HEMK2: variants seen among roughly 807,000 people sequenced by gnomAD.
HEMK2 encodes methyltransferase HEMK2.
chr21:28,696,986 G>A, the HEMK2 span, among the ~76,000 whole-genome samples: 1 of 148,720 alleles, frequency 6.7e-6, no homozygotes, highest in East Asian at 2.1e-4. Flanking sequence ...CAGCAGGGGA[G>A]CCCTGGACCT....
the HEMK2 span, among the ~76,000 whole-genome samples, chr21:28,688,206 G>C: frequency 1.3e-5 from 2 of 152,160 alleles, no homozygotes; most frequent in South Asian, 4.1e-4. Context: ...TAAAGAATGA[G>C]AGTACATTGC....
At chr21:28,713,117 A>G in the HEMK2 span, among the ~76,000 whole-genome samples, 1 of 152,154 alleles carries the variant, frequency 6.6e-6, no homozygotes, top group Non-Finnish European at 1.5e-5. Flanking sequence ...CTGAGTTTCC[A>G]ATTTGGGAGA....
the HEMK2 span, among the ~76,000 whole-genome samples, chr21:28,868,093 T>C: frequency 6.6e-6 from 1 of 152,200 alleles, no homozygotes; most frequent in Non-Finnish European, 1.5e-5. Flanking sequence ...CATGTTTCTT[T>C]ATGGACTTTC....
the HEMK2 span, among the ~76,000 whole-genome samples, chr21:28,880,357 T>A: frequency 6.6e-6 from 1 of 152,244 alleles, no homozygotes; most frequent in African/African-American, 2.4e-5. Context: ...ATTTACTGGA[T>A]ACTGTTCTAT....
the HEMK2 span, chr21:28,879,844 T>C: frequency 1.4e-6 from 2 of 1,466,444 alleles, no homozygotes; most frequent in East Asian, 2.3e-5. Flanking sequence ...AAAATATTAA[T>C]AATTAAATTT....
chr21:28,575,855 T>C, the HEMK2 span, among the ~76,000 whole-genome samples: 1 of 152,226 alleles, frequency 6.6e-6, no homozygotes, highest in African/African-American at 2.4e-5. Context: ...TAGTATGTTC[T>C]CCGTGTTTAT....
the HEMK2 span, among the ~76,000 whole-genome samples, chr21:28,750,437 A>G: frequency 6.6e-6 from 1 of 152,102 alleles, no homozygotes; most frequent in African/African-American, 2.4e-5. Flanking sequence ...GGTGACTCAT[A>G]CCTGTAATCC....
the HEMK2 span, among the ~76,000 whole-genome samples, chr21:28,605,277 C>T: frequency 0.1 from 15,475 of 152,228 alleles, 1,341 homozygotes; most frequent in African/African-American, 0.23. Flanking sequence ...AATGCTGAGT[C>T]TCAAATATAT....
chr21:28,619,353 A>G, the HEMK2 span, among the ~76,000 whole-genome samples: 4 of 152,242 alleles, frequency 2.6e-5, no homozygotes, highest in African/African-American at 9.6e-5. Flanking sequence ...TTCTGGCAAT[A>G]TATCTTTAAG....
the HEMK2 span, among the ~76,000 whole-genome samples, chr21:28,601,290 C>T: frequency 6.6e-6 from 1 of 152,196 alleles, no homozygotes; most frequent in African/African-American, 2.4e-5. Context: ...CAATGACCTG[C>T]ATTTACTAAG....
the HEMK2 span, among the ~76,000 whole-genome samples, chr21:28,601,933 G>A: frequency 3.9e-5 from 6 of 152,214 alleles, no homozygotes; most frequent in African/African-American, 1.4e-4. Context: ...AGCAGCAAGT[G>A]TGAGGACTGA....
At chr21:28,667,451 T>G in the HEMK2 span, among the ~76,000 whole-genome samples, 1 of 152,166 alleles carries the variant, frequency 6.6e-6, no homozygotes. Flanking sequence ...TGCAGCAGAT[T>G]GTCCTTCACT....
the HEMK2 span, among the ~76,000 whole-genome samples, chr21:28,803,565 G>T: frequency 6.6e-6 from 1 of 152,072 alleles, no homozygotes; most frequent in African/African-American, 2.4e-5. Context: ...AGCTTCTTAA[G>T]AAAATGCCAA....
At chr21:28,629,139 A>G in the HEMK2 span, among the ~76,000 whole-genome samples, 1 of 152,188 alleles carries the variant, frequency 6.6e-6, no homozygotes, top group Non-Finnish European at 1.5e-5. Context: ...ACACAGGCAT[A>G]ATGTGAGAAA....
At chr21:28,623,923 G>A in the HEMK2 span, among the ~76,000 whole-genome samples, 1 of 152,152 alleles carries the variant, frequency 6.6e-6, no homozygotes, top group Non-Finnish European at 1.5e-5. Context: ...CATGGCACGT[G>A]TATACCTATG....
chr21:28,847,409 T>C, the HEMK2 span, among the ~76,000 whole-genome samples: 36 of 152,302 alleles, frequency 2.4e-4, no homozygotes, highest in Admixed American at 2.2e-3. Flanking sequence ...GTTTTGGCCA[T>C]GGTTACATCT....
At chr21:28,866,979 C>G in the HEMK2 span, among the ~76,000 whole-genome samples, 2 of 151,994 alleles carry the variant, frequency 1.3e-5, no homozygotes, top group Non-Finnish European at 2.9e-5. Context: ...TATATTAGAC[C>G]TACTAGATTG....
the HEMK2 span, among the ~76,000 whole-genome samples, chr21:28,656,175 A>AGG: frequency 1.3e-5 from 2 of 151,978 alleles, no homozygotes; most frequent in African/African-American, 4.8e-5. Context: ...TCTCTTAACT[A>AGG]GGGGGGGAAG....
the HEMK2 span, among the ~76,000 whole-genome samples, chr21:28,737,592 TAAAA>T: frequency 1.4e-5 from 2 of 147,914 alleles, no homozygotes; most frequent in Non-Finnish European, 1.5e-5. Context: ...CATAGACTGT[TAAAA>T]AAAAAAAGAA....
Sources: allele counts gnomAD v4.1 joint callset (sites outside exome capture counted in the v4.1 genomes callset), GRCh38; gene constraint gnomAD v4.1.1; transcripts MANE v1.5; gene names NCBI Gene and HGNC (gene_info 2026-07-23, HGNC 2026-07-21).